RNF121: variants seen among roughly 807,000 people sequenced by gnomAD.
RNF121 encodes the protein ring finger protein 121, also known as E3 ubiquitin ligase RNF121.
A neutral mutation model predicts 46.5 loss-of-function variants in RNF121; 21 were observed. The observed-to-expected ratio is 0.45, with a 90% CI of 0.32 to 0.65. RNF121 has a LOEUF of 0.65. Ranked by LOEUF, RNF121 falls within the 30% of genes least tolerant of loss-of-function variation. The pLI, the probability that RNF121 is intolerant of heterozygous loss-of-function variation, is 0.04. For synonymous variants in RNF121, 139 were observed against 144.7 expected, an observed-to-expected ratio of 0.96 and a Z score of 0.28; for missense variants, 346 against 416.0, an observed-to-expected ratio of 0.83 and a Z score of 1.46.
chr11:71,983,095 A>T, intron 4 of RNF121, 180 bp downstream of exon 4: 1 of 448,938 alleles, frequency 2.2e-6, no homozygotes, highest in South Asian at 8.4e-5. Flanking sequence ...TCGATTAAAA[A>T]CCTCAAATAT....
chr11:71,957,178 G>A (rs201232790), intron 1 of RNF121, 49 bp from the exon 2 acceptor site: 4 of 1,208,744 alleles, frequency 3.3e-6, no homozygotes, highest in African/African-American at 1.5e-5. Context: ...ATATTGGCAG[G>A]GACAGTTTTA....
intron 1 of RNF121, among the ~76,000 whole-genome samples, chr11:71,935,071 A>G (rs1010477695): frequency 4.6e-5 from 7 of 151,300 alleles, no homozygotes; most frequent in Non-Finnish European, 8.8e-5. Flanking sequence ...CCTGCCAAGT[A>G]GCTGGGACCA....
intron 2 of RNF121, among the ~76,000 whole-genome samples, chr11:71,959,170 G>T (rs932112604): frequency 2.6e-5 from 4 of 152,170 alleles, no homozygotes; most frequent in Non-Finnish European, 5.9e-5. Context: ...CTTTCTGTCA[G>T]ATTCTCCCAC....
At chr11:71,950,713 C>T (rs547910698) in intron 1 of RNF121, among the ~76,000 whole-genome samples, 3 of 151,608 alleles carry the variant, frequency 2.0e-5, no homozygotes, top group Admixed American at 6.6e-5. Flanking sequence ...AGTGCAGTGG[C>T]GCGGTCTTGG....
At chr11:71,946,117 G>A (rs2363737) in intron 1 of RNF121, among the ~76,000 whole-genome samples, 133,478 of 148,418 alleles carry the variant, frequency 0.9, 60,169 homozygotes, top group Non-Finnish European at 0.95. Flanking sequence ...CCTTAAAAAA[G>A]AAAAGAAAAG....
intron 1 of RNF121, among the ~76,000 whole-genome samples, chr11:71,938,264 G>A (rs997628614): frequency 2.7e-5 from 4 of 150,128 alleles, no homozygotes; most frequent in Middle Eastern, 3.3e-3. Context: ...TTTTTAGTGC[G>A]TACTATGTGC....
In RNF121 at chr11:71,929,047, G is replaced by C. The variant is rs751636980; in HGVS notation, c.-15G>C. 7.7e-6 allele frequency: 12 copies of C among 1,551,088 alleles called. No individual in the cohort carries two copies. In the East Asian group the frequency reaches 2.0e-4, roughly 25 times the overall value. On this transcript the variant is annotated 5_prime_UTR_variant, in exon 1 of 9. Coordinates refer to ENST00000361756, the MANE Select transcript of RNF121 (RefSeq NM_018320.5). ...GGCTCGCGCGGGGACTGCGGTGAGG[G>C]GGCGAGCCGTGAAGATGGCGGCAGT...
chr11:71,995,389 A>C, intron 7 of RNF121, 61 bp from the exon 8 acceptor site: 1 of 1,345,084 alleles, frequency 7.4e-7, no homozygotes, highest in Non-Finnish European at 1.0e-6. Context: ...CCTTTCAAAG[A>C]CTGTCTGGGG....
chr11:71,962,400 T>C, intron 3 of RNF121: 1 of 542,720 alleles, frequency 1.8e-6, no homozygotes, highest in South Asian at 8.1e-5. Context: ...GGGAAACAGT[T>C]AAGAGGCTGC....
At chr11:71,956,616 C>T (rs1261534864) in intron 1 of RNF121, among the ~76,000 whole-genome samples, 1 of 152,228 alleles carries the variant, frequency 6.6e-6, no homozygotes, top group Non-Finnish European at 1.5e-5. Context: ...CCAGTGTAGC[C>T]TAGCGGCTAC....
At chr11:71,954,692 G>T (rs139872070) in intron 1 of RNF121, among the ~76,000 whole-genome samples, 1 of 152,252 alleles carries the variant, frequency 6.6e-6, no homozygotes, top group Non-Finnish European at 1.5e-5. Flanking sequence ...TTCATGCCTG[G>T]CCCAGTATTC....
intron 1 of RNF121, among the ~76,000 whole-genome samples, chr11:71,955,177 T>C (rs543205011): frequency 6.6e-6 from 1 of 152,172 alleles, no homozygotes; most frequent in South Asian, 2.1e-4. Context: ...TGAGAGTGAG[T>C]GCTTCCTTAA....
At chr11:71,994,265 G>T (rs543792466) in intron 6 of RNF121, among the ~76,000 whole-genome samples, 1 of 152,192 alleles carries the variant, frequency 6.6e-6, no homozygotes, top group Non-Finnish European at 1.5e-5. Context: ...AAATGTCTGA[G>T]AATGCCCTTG....
chr11:71,938,599 G>C (rs531039493), intron 1 of RNF121: 1 of 152,148 alleles, frequency 6.6e-6, no homozygotes, highest in African/African-American at 2.4e-5. Context: ...GATTACAGGC[G>C]TAAGTCACTG....
chr11:71,939,312 G>A, intron 1 of RNF121: 1 of 174,394 alleles, frequency 5.7e-6, no homozygotes, highest in Non-Finnish European at 1.2e-5. Flanking sequence ...TTTGGCTTAG[G>A]CACACTTACT....
chr11:71,975,830 G>A (rs1308605367), intron 3 of RNF121, among the ~76,000 whole-genome samples: 1 of 152,178 alleles, frequency 6.6e-6, no homozygotes, highest in Non-Finnish European at 1.5e-5. Flanking sequence ...AAAGATAAGA[G>A]TTGGACCCAG....
intron 8 of RNF121, 146 bp downstream of exon 8, chr11:71,995,697 C>G: frequency 4.5e-6 from 3 of 660,204 alleles, no homozygotes; most frequent in South Asian, 3.6e-5. Flanking sequence ...AGCTGCTAGT[C>G]CTGCCCCCAT....
chr11:71,992,844 T>C (rs1326378590), intron 6 of RNF121, among the ~76,000 whole-genome samples: 1 of 146,692 alleles, frequency 6.8e-6, no homozygotes, highest in Non-Finnish European at 1.5e-5. Flanking sequence ...ATTTTTTTTT[T>C]CAGAATGGAA....
chr11:71,948,422 T>A (rs574200801), intron 1 of RNF121, among the ~76,000 whole-genome samples: 3 of 139,380 alleles, frequency 2.2e-5, no homozygotes, highest in Middle Eastern at 8.7e-3. Context: ...GGCTGAGGCA[T>A]GAGAATCGCT....
Sources: allele counts gnomAD v4.1 joint callset (sites outside exome capture counted in the v4.1 genomes callset), GRCh38; gene constraint gnomAD v4.1.1; transcripts MANE v1.5; gene names NCBI Gene and HGNC (gene_info 2026-07-23, HGNC 2026-07-21).